Variants in CTNNA2 observed in about 807,000 individuals in gnomAD.
The protein encoded by CTNNA2 is catenin alpha 2, also known as catenin alpha-2.
A neutral mutation model predicts 101.0 loss-of-function variants in CTNNA2; 42 were observed. That is an observed-to-expected ratio of 0.42 (90% CI 0.32 to 0.54). The LOEUF (loss-of-function observed/expected upper bound fraction) is 0.54, where lower values mean the gene tolerates loss of function less well. CTNNA2 is among the 20% of genes least tolerant of loss of function. The pLI is 0.14. For missense variants in CTNNA2, 871 were observed against 1,223.1 expected (o/e 0.71, Z 4.29); for synonymous variants, 450 against 456.4 (o/e 0.99, Z 0.18).
chr2:79,398,246 G>A (rs1291449598), intron 4 of CTNNA2, among the ~76,000 whole-genome samples: 3 of 152,094 alleles, frequency 2.0e-5, no homozygotes, highest in Non-Finnish European at 2.9e-5. Flanking sequence ...GGATACGGAC[G>A]AGCTGTAGTA....
intron 3 of CTNNA2, among the ~76,000 whole-genome samples, chr2:79,831,319 G>C (rs72916647): frequency 1.5e-3 from 233 of 152,186 alleles, no homozygotes; most frequent in African/African-American, 5.4e-3. Context: ...TTGTATGGTA[G>C]AGTTATTTTA....
chr2:79,418,814 A>C (rs1678510188), intron 4 of CTNNA2, among the ~76,000 whole-genome samples: 2 of 152,138 alleles, frequency 1.3e-5, no homozygotes, highest in South Asian at 4.1e-4. Context: ...TAATGGATAA[A>C]TCTAAATGCT....
intron 7 of CTNNA2, among the ~76,000 whole-genome samples, chr2:80,042,508 T>A (rs1696133706): frequency 6.6e-6 from 1 of 152,180 alleles, no homozygotes; most frequent in Non-Finnish European, 1.5e-5. Flanking sequence ...TGGCATCTTT[T>A]ATCTGGCACC....
intron 4 of CTNNA2, among the ~76,000 whole-genome samples, chr2:79,437,746 G>C (rs751102894): frequency 2.0e-5 from 3 of 152,136 alleles, no homozygotes; most frequent in Admixed American, 2.0e-4. Flanking sequence ...TTTTAAAAGG[G>C]AAGCGTTTCA....
chr2:79,380,765 A>G (rs1039578075), intron 4 of CTNNA2, among the ~76,000 whole-genome samples: 1 of 152,196 alleles, frequency 6.6e-6, no homozygotes, highest in Non-Finnish European at 1.5e-5. Context: ...GGCTTTTAAC[A>G]TTACAAAAAT....
At chr2:80,476,650 C>T (rs1228317731) in intron 9 of CTNNA2, among the ~76,000 whole-genome samples, 3 of 152,084 alleles carry the variant, frequency 2.0e-5, no homozygotes, top group Non-Finnish European at 4.4e-5. Context: ...AGACGACAAC[C>T]AGGCAGGCAA....
At chr2:79,427,043 A>T (rs1418494408) in intron 4 of CTNNA2, among the ~76,000 whole-genome samples, 1 of 151,976 alleles carries the variant, frequency 6.6e-6, no homozygotes, top group Non-Finnish European at 1.5e-5. Flanking sequence ...CTCTCTCACA[A>T]CCCATTGCCT....
At chr2:79,239,788 A>C (rs1459743215) in intron 2 of CTNNA2, among the ~76,000 whole-genome samples, 1 of 152,198 alleles carries the variant, frequency 6.6e-6, no homozygotes, top group African/African-American at 2.4e-5. Context: ...AAATTTTTGC[A>C]ATCTATCCAT....
At position 79,639,567 on chromosome 2, in the gene CTNNA2, A is replaced by G. The variant is rs574717173; in HGVS notation, c.-5-11985A>G. ...GCATTCTGGACATAAGTCCTCATTA[A>G]AAGTTTTTTTTTCGTTTAAAATTGG... On this transcript the variant is annotated intron_variant, in intron 1 of 18. Coordinates refer to ENST00000402739, the MANE Select transcript of CTNNA2 (RefSeq NM_001282597.3). Among the ~76,000 whole-genome samples the G allele has an allele frequency of 5.3e-5, 8 of 152,280 alleles. No homozygotes were observed. In the South Asian group the frequency reaches 1.7e-3, roughly 32 times the overall value.
At chr2:79,261,966 TGA>T (rs1674928213) in intron 2 of CTNNA2, among the ~76,000 whole-genome samples, 3 of 152,320 alleles carry the variant, frequency 2.0e-5, no homozygotes, top group African/African-American at 7.2e-5. Context: ...GGGGAGGCCA[TGA>T]GAGTAGGCTA....
At chr2:80,259,796 A>G (rs1325542430) in intron 7 of CTNNA2, among the ~76,000 whole-genome samples, 1 of 152,254 alleles carries the variant, frequency 6.6e-6, no homozygotes, top group Non-Finnish European at 1.5e-5. Flanking sequence ...CAACTAAGTT[A>G]CTAAGTAATA....
intron 2 of CTNNA2, among the ~76,000 whole-genome samples, chr2:79,737,602 G>A (rs1573834096): frequency 6.6e-6 from 1 of 152,152 alleles, no homozygotes; most frequent in South Asian, 2.1e-4. Context: ...CCAAATTTTA[G>A]CGTTTCTTAT....
intron 2 of CTNNA2, among the ~76,000 whole-genome samples, chr2:79,240,764 T>G (rs1004947193): frequency 2.6e-5 from 4 of 152,192 alleles, no homozygotes; most frequent in Non-Finnish European, 5.9e-5. Context: ...GCAATGAGGT[T>G]TCTGGGGGAT....
intron 1 of CTNNA2, among the ~76,000 whole-genome samples, chr2:79,532,943 A>G (rs2103943831): frequency 6.6e-6 from 1 of 152,192 alleles, no homozygotes; most frequent in East Asian, 1.9e-4. Context: ...AAAAGACATT[A>G]TCATGCTCCT....
rs187573718 is a variant in CTNNA2 at position 80,263,021 on chromosome 2, C to T, written c.1057-130190C>T. Among the ~76,000 whole-genome samples, 71 of 152,158 alleles carry T rather than the reference C, an allele frequency of 4.7e-4. 2 individuals carry two copies. Among genetic ancestry groups the T allele is most frequent in the African/African-American group, 1.6e-3 (66 of 41,496 alleles). On this transcript the variant is annotated intron_variant, in intron 7 of 18. Transcript: ENST00000402739. ...GAACGGAATTATGTAATCTGGCCCT[C>T]GGAAATGGAATTTCTTTAGACTAAT...
chr2:80,025,702 C>G (rs1265488898), intron 7 of CTNNA2, among the ~76,000 whole-genome samples: 2 of 152,094 alleles, frequency 1.3e-5, no homozygotes, highest in Non-Finnish European at 2.9e-5. Context: ...TCAATATGGG[C>G]TTAAGGTAAT....
At chr2:79,639,960 GTGAA>G (rs968888599) in intron 1 of CTNNA2, among the ~76,000 whole-genome samples, 1 of 151,086 alleles carries the variant, frequency 6.6e-6, no homozygotes. Flanking sequence ...GTGTGTGTGT[GTGAA>G]GAGAGAGAGA....
intron 18 of CTNNA2, among the ~76,000 whole-genome samples, chr2:80,625,678 C>T (rs1671608299): frequency 6.6e-6 from 1 of 152,042 alleles, no homozygotes; most frequent in African/African-American, 2.4e-5. Context: ...AACACATTAG[C>T]TTCTTTATCA....
chr2:79,918,654 C>T (rs1440677877), intron 7 of CTNNA2, among the ~76,000 whole-genome samples: 1 of 152,186 alleles, frequency 6.6e-6, no homozygotes, highest in Non-Finnish European at 1.5e-5. Context: ...CCAGCATGAC[C>T]TAAAGTTTAT....
Sources: allele counts gnomAD v4.1 joint callset (sites outside exome capture counted in the v4.1 genomes callset), GRCh38; gene constraint gnomAD v4.1.1; transcripts MANE v1.5; gene names NCBI Gene and HGNC (gene_info 2026-07-23, HGNC 2026-07-21).